Variants in PALD1 observed in about 807,000 individuals in gnomAD.
PALD1 encodes paladin.
In PALD1, 57 loss-of-function variants were observed where a neutral mutation model predicts 96.0. The ratio of observed to expected loss-of-function variants is 0.59; its 90% CI spans 0.48 to 0.74. PALD1 has a LOEUF of 0.74. PALD1 is among the 30% of genes least tolerant of loss of function. The pLI is 0.00. For missense variants in PALD1, 1,063 were observed against 1,143.7 expected, an observed-to-expected ratio of 0.93 and a Z score of 1.02; for synonymous variants, 464 against 473.6, an observed-to-expected ratio of 0.98 and a Z score of 0.26.
At chr10:70,531,988 A>T (rs1489474018) in intron 5 of PALD1, among the ~76,000 whole-genome samples, 1 of 151,794 alleles carries the variant, frequency 6.6e-6, no homozygotes, top group Non-Finnish European at 1.5e-5. Context: ...TTCTAAAAAA[A>T]AAAAAAGAAA....
chr10:70,466,009 C>T, the PALD1 span, among the ~76,000 whole-genome samples: 1 of 152,038 alleles, frequency 6.6e-6, no homozygotes, highest in East Asian at 1.9e-4. Context: ...CTGATCCTGC[C>T]CCATGCCCCA....
At chr10:70,529,029 G>A (rs964780930) in intron 2 of PALD1, among the ~76,000 whole-genome samples, 200 bp from the exon 3 acceptor site, 2 of 152,110 alleles carry the variant, frequency 1.3e-5, no homozygotes, top group Non-Finnish European at 1.5e-5. Flanking sequence ...CAGCTGGGTG[G>A]CTCAGTCCTC....
intron 1 of PALD1, among the ~76,000 whole-genome samples, chr10:70,525,308 G>A (rs984883280): frequency 6.3e-4 from 96 of 152,142 alleles, no homozygotes; most frequent in Middle Eastern, 3.4e-3. Flanking sequence ...CACTGCACCC[G>A]GCCACCAATT....
chr10:70,529,742 T>C (rs1846953685), intron 3 of PALD1, 147 bp from the exon 4 acceptor site: 1 of 630,908 alleles, frequency 1.6e-6, no homozygotes, highest in Admixed American at 3.0e-5. Flanking sequence ...GTTTTTTCCA[T>C]GAACTGCAGG....
Position 70,547,457 on chromosome 10 carries a change from A to AAACCCCCCCCCCCCCCCCC in PALD1, c.2262+11_2262+12insAACCCCCCCCCCCCCCCCC. On this transcript the variant is annotated intron_variant, in intron 18 of 19. Coordinates refer to ENST00000263563, the MANE Select transcript of PALD1 (RefSeq NM_014431.3). ...TGCACCTACCGCCAGGTGAGCCCCC[A>AAACCCCCCCCCCCCCCCCC]CCCCACCCCACCCCACCCTGCCCCA... The AAACCCCCCCCCCCCCCCCC allele has an allele frequency of 9.8e-7, 1 of 1,016,504 alleles. No individual in the cohort carries two copies. Among genetic ancestry groups the AAACCCCCCCCCCCCCCCCC allele is most frequent in the Non-Finnish European group, 1.4e-6 (1 of 730,212 alleles). 63.0% of individuals were successfully genotyped at this position (1,016,504 alleles called of 1,614,324 possible). A position where few individuals can be genotyped will look rare whatever the true frequency, so the allele number is the denominator to read the frequency against.
chr10:70,501,840 C>CGCGT (rs1846304190), intron 1 of PALD1, among the ~76,000 whole-genome samples: 6 of 25,600 alleles, frequency 2.3e-4, no homozygotes, highest in East Asian at 5.9e-3. Context: ...TGTGTGCGTG[C>CGCGT]GTGCATGCAT....
intron 2 of PALD1, among the ~76,000 whole-genome samples, chr10:70,527,539 G>A (rs1358562231): frequency 6.6e-6 from 1 of 152,198 alleles, no homozygotes; most frequent in African/African-American, 2.4e-5. Context: ...TGGCAGAATT[G>A]AGTAGTTGCA....
At chr10:70,508,838 G>GTGTGTGTGTGTGTGT (rs1846454310) in intron 1 of PALD1, among the ~76,000 whole-genome samples, 3 of 50,576 alleles carry the variant, frequency 5.9e-5, no homozygotes, top group Admixed American at 1.8e-4. Context: ...TGGGAGCTGC[G>GTGTGTGTGTGTGTGT]GAACCTGTGT....
chr10:70,491,251 C>T (rs995141271), intron 1 of PALD1, among the ~76,000 whole-genome samples: 1 of 152,204 alleles, frequency 6.6e-6, no homozygotes, highest in East Asian at 1.9e-4. Flanking sequence ...AGCCTAAACC[C>T]ACTTCTTGTA....
upstream of PALD1, among the ~76,000 whole-genome samples, chr10:70,475,921 TACAC>T (rs1482364298): frequency 6.6e-6 from 1 of 152,326 alleles, no homozygotes; most frequent in Admixed American, 6.5e-5. Context: ...GTGCTACACG[TACAC>T]ACACATACAC....
intron 1 of PALD1, among the ~76,000 whole-genome samples, chr10:70,513,238 TA>T (rs1188657253): frequency 1.3e-5 from 2 of 152,204 alleles, no homozygotes; most frequent in African/African-American, 4.8e-5. Flanking sequence ...CTTATGCCTG[TA>T]ATCTCACCAC....
intron 2 of PALD1, among the ~76,000 whole-genome samples, chr10:70,526,680 C>G (rs1017319020): frequency 6.6e-6 from 1 of 152,092 alleles, no homozygotes; most frequent in East Asian, 1.9e-4. Flanking sequence ...TATGATGGGT[C>G]CCTGAAACCC....
chr10:70,459,372 G>C, the PALD1 span, among the ~76,000 whole-genome samples: 20 of 152,264 alleles, frequency 1.3e-4, no homozygotes, highest in East Asian at 3.7e-3. Context: ...CCTAATTTTT[G>C]CATTTGTATT....
intron 1 of PALD1, among the ~76,000 whole-genome samples, chr10:70,492,586 A>C (rs1455962218): frequency 6.7e-6 from 1 of 148,478 alleles, no homozygotes; most frequent in East Asian, 2.1e-4. Context: ...CTTCCTGAGT[A>C]GCTGGGATTA....
chr10:70,460,372 A>G, the PALD1 span, among the ~76,000 whole-genome samples: 425 of 152,152 alleles, frequency 2.8e-3, 1 homozygote, highest in Non-Finnish European at 5.1e-3. Context: ...CCCTGCACCC[A>G]CCGGCCTACC....
At chr10:70,525,699 T>C (rs1328105451) in intron 1 of PALD1, among the ~76,000 whole-genome samples, 3 of 152,292 alleles carry the variant, frequency 2.0e-5, no homozygotes, top group East Asian at 3.9e-4. Context: ...TGTCTGTCTA[T>C]GTCCGTGACT....
At position 70,529,307 on chromosome 10, in the gene PALD1, C is replaced by T. The variant is rs1369333269; in HGVS notation, c.264C>T (p.Asn88=). The change falls in exon 3 of 20, where the codon AAC becomes AAT. Residue 88 remains asparagine, a synonymous_variant. Transcript: ENST00000263563. ...AHYTLGRLSD[N]TPEHYLVQGR... ...ACACGTTGGGCCGGCTCTCGGACAA[C>T]ACCCCTGAGCACTACCTGGTGCAAG... The T allele has an allele frequency of 1.3e-6, 2 of 1,597,778 alleles. No homozygotes were observed. The highest frequency in any genetic ancestry group is 1.7e-6 in the Non-Finnish European group (2 of 1,169,120).
intron 1 of PALD1, among the ~76,000 whole-genome samples, chr10:70,511,795 G>A (rs148884799): frequency 0.026 from 4,019 of 152,316 alleles, 164 homozygotes; most frequent in African/African-American, 0.089. Context: ...TTGGGAGGCC[G>A]AGGCAGGTGG....
intron 10 of PALD1, among the ~76,000 whole-genome samples, chr10:70,535,575 CTCCTCCTTCT>C (rs1847097023): frequency 6.9e-6 from 1 of 144,448 alleles, no homozygotes; most frequent in African/African-American, 2.6e-5. Flanking sequence ...CTCTTCCTTC[CTCCTCCTTCT>C]TCCTCCTTCC....
Sources: allele counts gnomAD v4.1 joint callset (sites outside exome capture counted in the v4.1 genomes callset), GRCh38; gene constraint gnomAD v4.1.1; transcripts MANE v1.5; gene names NCBI Gene and HGNC (gene_info 2026-07-23, HGNC 2026-07-21).